Variants in KLHL5 observed in about 807,000 individuals in gnomAD.
KLHL5 encodes kelch-like protein 5.
A neutral mutation model predicts 77.7 loss-of-function variants in KLHL5; 48 were observed. The ratio of observed to expected loss-of-function variants is 0.62; its 90% CI spans 0.49 to 0.79. The LOEUF is 0.79. Among genes scored for constraint, KLHL5 ranks in the 30% least tolerant of loss-of-function variants. The pLI, the probability that KLHL5 is intolerant of heterozygous loss-of-function variation, is 0.00. For synonymous variants in KLHL5, 260 were observed against 297.0 expected, an observed-to-expected ratio of 0.88 and a Z score of 1.28; for missense variants, 723 against 859.7, an observed-to-expected ratio of 0.84 and a Z score of 1.99.
At chr4:39,135,764 C>T in the KLHL5 span, among the ~76,000 whole-genome samples, 7 of 151,992 alleles carry the variant, frequency 4.6e-5, no homozygotes, top group Non-Finnish European at 1.0e-4. Flanking sequence ...ATTAGCCGGA[C>T]GTGTTGGTGC....
At chr4:39,131,875 G>A in the KLHL5 span, among the ~76,000 whole-genome samples, 3 of 144,258 alleles carry the variant, frequency 2.1e-5, no homozygotes, top group Non-Finnish European at 4.5e-5. Flanking sequence ...GTGATAGAGC[G>A]AGACCCTGTC....
At chr4:39,075,223 TAGG>T (rs1355352340) in intron 1 of KLHL5, among the ~76,000 whole-genome samples, 1 of 151,532 alleles carries the variant, frequency 6.6e-6, no homozygotes, top group East Asian at 1.9e-4. Context: ...CTCAGCTACT[TAGG>T]AGGCTGAGGC....
intron 6 of KLHL5, among the ~76,000 whole-genome samples, chr4:39,101,126 TTA>T (rs60405643): frequency 2.2e-4 from 29 of 134,826 alleles, no homozygotes; most frequent in Non-Finnish European, 2.7e-4. Context: ...TATTTGGATT[TTA>T]TATATATATA....
At chr4:39,071,597 C>G (rs188811587) in intron 1 of KLHL5, among the ~76,000 whole-genome samples, 229 of 152,288 alleles carry the variant, frequency 1.5e-3, no homozygotes, top group African/African-American at 5.2e-3. Context: ...AGATATGGAG[C>G]TTGACTCTTC....
intron 5 of KLHL5, among the ~76,000 whole-genome samples, chr4:39,090,574 G>A (rs912767047): frequency 4.6e-5 from 7 of 151,434 alleles, no homozygotes; most frequent in East Asian, 1.9e-4. Flanking sequence ...TCAGCCTCCC[G>A]AGTAGCTGGG....
chr4:39,128,704 T>C (rs564580732), downstream of KLHL5, among the ~76,000 whole-genome samples: 1 of 152,342 alleles, frequency 6.6e-6, no homozygotes, highest in South Asian at 2.1e-4. Flanking sequence ...GGCTCACACC[T>C]GTAATCCCAG....
rs1042032306 is a variant in KLHL5, at chr4:39,081,393, T to C, written c.703+154T>C. Among the ~76,000 whole-genome samples the C allele has an allele frequency of 1.8e-4, 27 of 152,210 alleles. No individual in the cohort carries two copies. The highest frequency in any genetic ancestry group is 6.3e-4 in the African/African-American group (26 of 41,462). On this transcript the variant is annotated intron_variant, in intron 3 of 10. Transcript: ENST00000504108. The surrounding 1 kb of genome is among the most constrained non-coding windows in gnomAD (Gnocchi z 4.3). ...TATTTAACCTGGTGATGAATTAAAA[T>C]TTCCATACTAAAACCTTTAAAATGG...
At position 39,063,027 on chromosome 4, in the gene KLHL5, T is replaced by A. The variant is rs144755927; in HGVS notation, c.375T>A (p.Ser125Arg). The change falls in exon 1 of 11, where the codon AGT becomes AGA. Residue 125 changes from serine (S) to arginine (R), a missense_variant. Around this residue, in one of 3 missense-constraint regions of KLHL5, gnomAD observed 221 missense variants for 222.1 expected, o/e 1.00. Coordinates refer to ENST00000504108, the MANE Select transcript of KLHL5 (RefSeq NM_015990.5). ...TSEEENESDS[S>R]SCRTSNSSQT... ...AAGAAGAAAATGAATCTGATTCCAG[T>A]TCATGCAGGTTGATTATTTTCTTAC... 563 of 1,610,136 alleles carry A rather than the reference T, an allele frequency of 3.5e-4. 2 individuals carry two copies. In the Middle Eastern group the frequency reaches 9.6e-3, roughly 28 times the overall value.
At chr4:39,085,620 G>C (rs1719970973) in intron 4 of KLHL5, among the ~76,000 whole-genome samples, 1 of 152,112 alleles carries the variant, frequency 6.6e-6, no homozygotes. Context: ...CTTCTCTCCA[G>C]ATTATTTAGC....
chr4:39,096,557 TTTAG>T (rs1287764055), intron 5 of KLHL5, 131 bp from the exon 6 acceptor site: 1 of 603,256 alleles, frequency 1.7e-6, no homozygotes, highest in East Asian at 2.8e-5. Context: ...TGTTGCATAT[TTTAG>T]TTAAAAATAT....
chr4:39,087,566 T>A (rs1720165017), intron 5 of KLHL5, among the ~76,000 whole-genome samples: 1 of 152,194 alleles, frequency 6.6e-6, no homozygotes, highest in African/African-American at 2.4e-5. Context: ...CTCTATGATA[T>A]AAAATGTGCT....
chr4:39,099,823 A>G (rs779435850), intron 6 of KLHL5, among the ~76,000 whole-genome samples: 1 of 152,124 alleles, frequency 6.6e-6, no homozygotes, highest in Admixed American at 6.5e-5. Flanking sequence ...AGAAATAAAT[A>G]ACTTAAGATA....
At chr4:39,059,768 G>A (rs1233732027), upstream of KLHL5, among the ~76,000 whole-genome samples, 1 of 152,110 alleles carries the variant, frequency 6.6e-6, no homozygotes, top group Admixed American at 6.6e-5. Context: ...ACATGGTGGT[G>A]TGTGCCTGTA....
At position 39,076,014 on chromosome 4, in the gene KLHL5, T is replaced by C. The variant is rs1207488671; in HGVS notation, c.433T>C (p.Cys145Arg). The C allele has an allele frequency of 2.5e-6, 4 of 1,612,832 alleles. No homozygotes were observed. Among genetic ancestry groups the C allele is most frequent in the Non-Finnish European group, 1.7e-6 (2 of 1,179,578 alleles). Residue 145 changes from cysteine to arginine, a missense_variant, in exon 2 of 11, where the codon TGT becomes CGT. By Grantham distance (180) the Cys-to-Arg change is radical (BLOSUM62 -3). Transcript: ENST00000504108. ...TLSSCHTMEPCTSDEFFQALN... is the reference protein window; with the variant it reads ...TLSSCHTMEPRTSDEFFQALN... ...ATCATCCTGTCATACTATGGAGCCA[T>C]GTACATCAGATGAATTTTTCCAAGC...
intron 2 of KLHL5, among the ~76,000 whole-genome samples, chr4:39,080,540 T>A (rs1014449145): frequency 1.1e-4 from 17 of 151,488 alleles, no homozygotes; most frequent in Non-Finnish European, 2.4e-4. Context: ...AAAAAAATTA[T>A]AATTTAAATG....
chr4:39,071,695 G>A (rs1560395), intron 1 of KLHL5, among the ~76,000 whole-genome samples: 57,046 of 152,074 alleles, frequency 0.38, 12,817 homozygotes, highest in Middle Eastern at 0.52. Flanking sequence ...ATTAATAGTT[G>A]CTCTGTGAAT....
At position 39,121,939 on chromosome 4, in the gene KLHL5, T is replaced by G. The variant is rs1348469509; in HGVS notation, c.*873T>G. 1.3e-5 allele frequency: 2 copies of G among 152,652 alleles called. No individual in the cohort carries two copies. Among genetic ancestry groups the G allele is most frequent in the African/African-American group, 4.8e-5 (2 of 41,466 alleles). The allele number at this position is 152,652 out of a possible 1,614,324, so 9.5% of individuals were successfully genotyped here. On this transcript the variant is annotated 3_prime_UTR_variant, in exon 11 of 11. Coordinates refer to ENST00000504108, the MANE Select transcript of KLHL5 (RefSeq NM_015990.5). ...TGACAAAATTGTTTGGATATCCTTA[T>G]GTTCTCAAGTCTGTATCTGCCTCCC...
At chr4:39,083,442 C>T (rs2109391190) in intron 4 of KLHL5, among the ~76,000 whole-genome samples, 1 of 152,232 alleles carries the variant, frequency 6.6e-6, no homozygotes, top group South Asian at 2.1e-4. Context: ...GGTTTTCCTC[C>T]CTGTGGTGTA....
At chr4:39,110,733 G>A (rs561430450) in intron 8 of KLHL5, among the ~76,000 whole-genome samples, 68 of 152,264 alleles carry the variant, frequency 4.5e-4, no homozygotes, top group Non-Finnish European at 7.8e-4. Context: ...CTCCCAATGT[G>A]CTGGGATTAC....
Sources: allele counts gnomAD v4.1 joint callset (sites outside exome capture counted in the v4.1 genomes callset), GRCh38; gene constraint gnomAD v4.1.1; regional missense constraint gnomAD v4.1.1; non-coding constraint Gnocchi (gnomAD v3.1); transcripts MANE v1.5; gene names NCBI Gene and HGNC (gene_info 2026-07-23, HGNC 2026-07-21).